Variants in AUTS2 observed in about 807,000 individuals in gnomAD.
AUTS2 encodes activator of transcription and developmental regulator AUTS2, also known as autism susceptibility gene 2 protein.
Under a neutral mutation model 112.4 loss-of-function variants are expected in AUTS2, and 17 were observed. That is an observed-to-expected ratio of 0.15 (90% confidence interval 0.10 to 0.23). AUTS2 has a LOEUF of 0.23. AUTS2 is among the 10% of genes least tolerant of loss of function. AUTS2 has a pLI of 1.00. For missense variants in AUTS2, 1,510 were observed against 1,701.6 expected (o/e 0.89, Z 1.98); for synonymous variants, 751 against 702.7 (o/e 1.07, Z -1.09).
intron 5 of AUTS2, among the ~76,000 whole-genome samples, chr7:70,657,659 C>T (rs896779834): frequency 2.6e-5 from 4 of 152,202 alleles, no homozygotes; most frequent in Non-Finnish European, 5.9e-5. Flanking sequence ...ATTTTTTCCC[C>T]TAGCGTCACT....
Position 70,491,589 on chromosome 7 carries a change from T to TTGTGTGTG in AUTS2, c.690+55836_690+55843dup, listed in dbSNP as rs71077660. 6.5e-3 allele frequency among the ~76,000 whole-genome samples: 898 copies of TTGTGTGTG among 138,792 alleles called. 13 individuals carry two copies. Among genetic ancestry groups the TTGTGTGTG allele is most frequent in the Non-Finnish European group, 6.2e-3 (403 of 64,938 alleles). The allele number at this position is 138,792 out of a possible 152,430, so 91.1% of individuals were successfully genotyped here. A position where few individuals can be genotyped will look rare whatever the true frequency, so the allele number is the denominator to read the frequency against. ...TATGTGTATATATAATGTATATATA[T>TTGTGTGTG]TGTGTGTGTGTGTGTGTGTGTGTGT... On this transcript the variant is annotated intron_variant, in intron 5 of 18. Transcript: ENST00000342771.
At chr7:69,878,832 C>T (rs1490874056) in intron 1 of AUTS2, among the ~76,000 whole-genome samples, 1 of 152,070 alleles carries the variant, frequency 6.6e-6, no homozygotes, top group Non-Finnish European at 1.5e-5. Flanking sequence ...TGATGTAATG[C>T]CATTGTGTTT....
intron 3 of AUTS2, among the ~76,000 whole-genome samples, chr7:70,129,036 A>G (rs906607068): frequency 6.6e-6 from 1 of 152,218 alleles, no homozygotes; most frequent in Non-Finnish European, 1.5e-5. Flanking sequence ...ATGTCATTGT[A>G]TTAGACTTCT....
intron 4 of AUTS2, among the ~76,000 whole-genome samples, chr7:70,417,792 G>C (rs1032418711): frequency 1.3e-5 from 2 of 152,076 alleles, no homozygotes; most frequent in Admixed American, 6.5e-5. Context: ...CTCTCATCAT[G>C]ACCATCTGCT....
intron 5 of AUTS2, among the ~76,000 whole-genome samples, chr7:70,648,321 T>G (rs1237686289): frequency 1.3e-5 from 2 of 152,066 alleles, no homozygotes; most frequent in Non-Finnish European, 2.9e-5. Context: ...CCAACACCTT[T>G]CACGCCTCTG....
intron 4 of AUTS2, among the ~76,000 whole-genome samples, chr7:70,383,875 A>G (rs1585083584): frequency 2.6e-5 from 4 of 152,166 alleles, no homozygotes; most frequent in Admixed American, 2.6e-4. Context: ...CTGACAAAAT[A>G]CCTAACCACC....
intron 5 of AUTS2, among the ~76,000 whole-genome samples, chr7:70,598,109 G>C (rs1803292537): frequency 6.6e-6 from 1 of 152,202 alleles, no homozygotes; most frequent in African/African-American, 2.4e-5. Context: ...GACGTTTGCT[G>C]TATGTGTGCC....
chr7:69,993,921 C>G (rs1232979282), intron 2 of AUTS2, among the ~76,000 whole-genome samples: 1 of 152,114 alleles, frequency 6.6e-6, no homozygotes, highest in Non-Finnish European at 1.5e-5. Flanking sequence ...CTTGGGACGT[C>G]AACTTACAGC....
chr7:70,046,460 C>T (rs1397313612), intron 2 of AUTS2, among the ~76,000 whole-genome samples: 8 of 152,156 alleles, frequency 5.3e-5, no homozygotes, highest in Non-Finnish European at 1.0e-4. Flanking sequence ...TTGTTCTTAT[C>T]TTGTTAAAAT....
intron 1 of AUTS2, among the ~76,000 whole-genome samples, chr7:69,867,331 C>T (rs1793282427): frequency 6.6e-6 from 1 of 152,072 alleles, no homozygotes. Context: ...CTTTTTTGCT[C>T]ACCTACTCAA....
chr7:69,837,997 G>A (rs1441026997), intron 1 of AUTS2, among the ~76,000 whole-genome samples: 8 of 152,130 alleles, frequency 5.3e-5, no homozygotes, highest in Admixed American at 5.2e-4. Flanking sequence ...TGATGGCATG[G>A]ATTGTTTTGT....
intron 6 of AUTS2, among the ~76,000 whole-genome samples, chr7:70,747,608 A>G (rs1020571972): frequency 6.6e-6 from 1 of 151,946 alleles, no homozygotes; most frequent in African/African-American, 2.4e-5. Flanking sequence ...ACAGGAGCCC[A>G]CCACCACACC....
chr7:70,625,909 CTTGTT>C (rs1804915103), intron 5 of AUTS2, among the ~76,000 whole-genome samples: 1 of 151,790 alleles, frequency 6.6e-6, no homozygotes, highest in African/African-American at 2.4e-5. Context: ...AATATTTAGT[CTTGTT>C]TTATTTATTT....
At chr7:70,253,143 A>C (rs749362694) in intron 4 of AUTS2, among the ~76,000 whole-genome samples, 1 of 152,164 alleles carries the variant, frequency 6.6e-6, no homozygotes, top group African/African-American at 2.4e-5. Context: ...TCCACATCTA[A>C]AATGGCTCCT....
intron 1 of AUTS2, among the ~76,000 whole-genome samples, chr7:69,766,468 G>A (rs1178737999): frequency 1.3e-5 from 2 of 152,184 alleles, no homozygotes; most frequent in Non-Finnish European, 2.9e-5. Flanking sequence ...TATACCCAAA[G>A]TGGAATTACT....
At chr7:70,277,768 A>C (rs77578411) in intron 4 of AUTS2, among the ~76,000 whole-genome samples, 3 of 152,202 alleles carry the variant, frequency 2.0e-5, no homozygotes, top group African/African-American at 7.2e-5. Flanking sequence ...GTTGTTGTGT[A>C]TGTCAGGGCC....
chr7:70,512,671 G>C (rs1360742038), intron 5 of AUTS2, among the ~76,000 whole-genome samples: 1 of 152,138 alleles, frequency 6.6e-6, no homozygotes, highest in Non-Finnish European at 1.5e-5. Flanking sequence ...TCAGGTTCTA[G>C]GCTCAGGAGC....
At chr7:70,700,702 G>A (rs558645212) in intron 6 of AUTS2, among the ~76,000 whole-genome samples, 4 of 152,338 alleles carry the variant, frequency 2.6e-5, no homozygotes, top group Non-Finnish European at 5.9e-5. Flanking sequence ...GGGATTCATT[G>A]TGTAGCGATA....
Position 70,228,046 on chromosome 7 carries a change from G to A in AUTS2, c.660+93475G>A, listed in dbSNP as rs111334419. On this transcript the variant is annotated intron_variant, in intron 4 of 18. Coordinates refer to ENST00000342771, the MANE Select transcript of AUTS2 (RefSeq NM_015570.4). ...GTCTCCAGTTATTTTTGCATTGTTT[G>A]TGTCTCCCTTTAGTTCCGTTAGATT... is the stretch of plus-strand genomic sequence containing the variant. Among the ~76,000 whole-genome samples, 12 of 151,622 alleles carry A rather than the reference G, an allele frequency of 7.9e-5. 1 individual carries two copies. The highest frequency in any genetic ancestry group is 2.0e-4 in the Admixed American group (3 of 15,238).
Sources: gnomAD v4.1 joint callset for allele counts (sites outside exome capture counted in the v4.1 genomes callset) on GRCh38, gnomAD v4.1.1 for gene constraint, MANE v1.5 for transcripts, NCBI Gene and HGNC (gene_info 2026-07-23, HGNC 2026-07-21) for gene names.